Variants in CREB3L1 observed in about 807,000 individuals in gnomAD.
CREB3L1 encodes cAMP responsive element binding protein 3 like 1, also known as cyclic AMP-responsive element-binding protein 3-like protein 1.
Under a neutral mutation model 54.5 loss-of-function variants are expected in CREB3L1, and 33 were observed. The observed-to-expected ratio is 0.61, with a 90% CI of 0.46 to 0.81. The LOEUF (loss-of-function observed/expected upper bound fraction) is 0.81, where lower values mean the gene tolerates loss of function less well. Among genes scored for constraint, CREB3L1 ranks in the 30% least tolerant of loss-of-function variants. CREB3L1 has a pLI of 0.00. For synonymous variants in CREB3L1, 284 were observed against 286.4 expected (o/e 0.99, Z 0.08); for missense variants, 656 against 673.3 (o/e 0.97, Z 0.29).
chr11:46,280,617 A>G (rs1466131401), intron 1 of CREB3L1, among the ~76,000 whole-genome samples: 1 of 152,206 alleles, frequency 6.6e-6, no homozygotes, highest in Admixed American at 6.5e-5. Flanking sequence ...AATGCCTGGC[A>G]TGTAACGTTC....
intron 10 of CREB3L1, 138 bp downstream of exon 10, chr11:46,317,625 G>C: frequency 9.0e-7 from 1 of 1,115,138 alleles, no homozygotes; most frequent in Non-Finnish European, 1.3e-6. Context: ...TTTTCCAGAT[G>C]GGGAAACCGA....
chr11:46,309,730 C>CA (rs1224995984), intron 3 of CREB3L1, among the ~76,000 whole-genome samples: 1 of 152,240 alleles, frequency 6.6e-6, no homozygotes, highest in Non-Finnish European at 1.5e-5. Context: ...GGTGGCCCCA[C>CA]ACTCAGAGGC....
At chr11:46,283,610 T>C (rs1939010944) in intron 1 of CREB3L1, among the ~76,000 whole-genome samples, 1 of 152,130 alleles carries the variant, frequency 6.6e-6, no homozygotes, top group Non-Finnish European at 1.5e-5. Flanking sequence ...CTGGATGTGG[T>C]GGCTCACACC....
intron 2 of CREB3L1, 79 bp downstream of exon 2, chr11:46,300,242 G>A (rs1217743915): frequency 3.5e-6 from 4 of 1,135,194 alleles, no homozygotes; most frequent in Non-Finnish European, 5.2e-6. Context: ...ACAAGAGAGT[G>A]TGCCTGCAGC....
rs1378090999 is a variant in CREB3L1, at chr11:46,310,270, T to TGTTG, written c.595+206_595+207insGGTT. ...CGTTTTTGTTTTTTGTTTGTTTGTT[T>TGTTG]GTTTGTTTGTTTTTTGAGATGGAGT... On this transcript the variant is annotated intron_variant, in intron 4 of 11. Coordinates refer to ENST00000621158, the MANE Select transcript of CREB3L1 (RefSeq NM_052854.4). Among the ~76,000 whole-genome samples the TGTTG allele has an allele frequency of 2.0e-5, 3 of 151,492 alleles. No individual in the cohort carries two copies. The East Asian group carries it at 5.8e-4, about 29-fold the overall frequency.
chr11:46,305,674 G>GTGTGTGTGTATATA (rs1566187693), intron 2 of CREB3L1, among the ~76,000 whole-genome samples: 8 of 87,598 alleles, frequency 9.1e-5, no homozygotes, highest in East Asian at 4.7e-4. Flanking sequence ...GTATATATAT[G>GTGTGTGTGTATATA]TGTGTGTGTG....
At chr11:46,311,338 G>A in intron 5 of CREB3L1, 149 bp downstream of exon 5, 4 of 1,126,492 alleles carry the variant, frequency 3.6e-6, no homozygotes, top group Non-Finnish European at 4.7e-6. Context: ...GCAGATGGGA[G>A]TTCTAATCCT....
intron 1 of CREB3L1, among the ~76,000 whole-genome samples, chr11:46,292,818 C>T (rs781646762): frequency 4.7e-4 from 71 of 151,934 alleles, no homozygotes; most frequent in Non-Finnish European, 9.7e-4. Flanking sequence ...GATGGGATCT[C>T]GCTATGTTGC....
At chr11:46,282,883 C>T (rs915707710) in intron 1 of CREB3L1, among the ~76,000 whole-genome samples, 1 of 152,134 alleles carries the variant, frequency 6.6e-6, no homozygotes, top group African/African-American at 2.4e-5. Flanking sequence ...AATAAATATG[C>T]CCAGTCAAAA....
rs561058047 is a variant in CREB3L1 at position 46,279,800 on chromosome 11, G to A, written c.102+1587G>A. ...TCAAGCAGGGCAGTAGAGCCCTGCAGTAAGCTTCTCTCGGCCCTTGGCAGC... is the reference window on the plus strand; with the variant it reads ...TCAAGCAGGGCAGTAGAGCCCTGCAATAAGCTTCTCTCGGCCCTTGGCAGC... On this transcript the variant is annotated intron_variant, in intron 1 of 11. Coordinates refer to ENST00000621158, the MANE Select transcript of CREB3L1 (RefSeq NM_052854.4). 9.8e-5 allele frequency among the ~76,000 whole-genome samples: 15 copies of A among 152,378 alleles called. No individual in the cohort carries two copies. In the East Asian group the frequency reaches 1.2e-3, roughly 12 times the overall value.
intron 9 of CREB3L1, among the ~76,000 whole-genome samples, chr11:46,316,964 T>A (rs1939575763): frequency 6.6e-6 from 1 of 151,946 alleles, no homozygotes; most frequent in Admixed American, 6.6e-5. Flanking sequence ...TCTCAGCACC[T>A]CCCGCTAGCC....
chr11:46,293,313 G>A (rs1291396109), intron 1 of CREB3L1, among the ~76,000 whole-genome samples: 1 of 152,188 alleles, frequency 6.6e-6, no homozygotes, highest in African/African-American at 2.4e-5. Flanking sequence ...GCCCTGGGCG[G>A]CGGCACTCGC....
intron 1 of CREB3L1, among the ~76,000 whole-genome samples, chr11:46,296,182 C>A (rs909419337): frequency 6.6e-6 from 1 of 152,022 alleles, no homozygotes; most frequent in African/African-American, 2.4e-5. Context: ...TAAACCTGAA[C>A]TTTTGTGTGT....
At chr11:46,298,612 T>C (rs1357717693) in intron 1 of CREB3L1, among the ~76,000 whole-genome samples, 1 of 152,050 alleles carries the variant, frequency 6.6e-6, no homozygotes, top group Non-Finnish European at 1.5e-5. Flanking sequence ...GGCATGCAAA[T>C]CACTTGAACC....
intron 2 of CREB3L1, among the ~76,000 whole-genome samples, chr11:46,300,707 C>T (rs1423469833): frequency 2.0e-5 from 3 of 149,908 alleles, no homozygotes; most frequent in Non-Finnish European, 4.4e-5. Flanking sequence ...CCCGTCTCTA[C>T]TAAAAAAAAA....
At position 46,321,281 on chromosome 11, in the gene CREB3L1, A is replaced by ACCCTCTTGCTG. The variant is rs1044784495; in HGVS notation, c.*536_*537insCCTCTTGCTGC. 32 of 270,452 alleles carry ACCCTCTTGCTG rather than the reference A, an allele frequency of 1.2e-4. No individual in the cohort carries two copies. Among genetic ancestry groups the ACCCTCTTGCTG allele is most frequent in the Non-Finnish European group, 1.6e-4 (22 of 137,522 alleles). The allele number at this position is 270,452 out of a possible 1,614,324, so 16.8% of individuals were successfully genotyped here. Reference sequence around the variant, plus strand: ...CTGCTCCCTGGCCCAGGAAAGAGGGACTACCTGACCCTCACCTGGCACCCC... The same window carrying ACCCTCTTGCTG: ...CTGCTCCCTGGCCCAGGAAAGAGGGACCCTCTTGCTGCTACCTGACCCTCACCTGGCACCCC... On this transcript the variant is annotated 3_prime_UTR_variant, in exon 12 of 12. Coordinates refer to ENST00000621158, the MANE Select transcript of CREB3L1 (RefSeq NM_052854.4).
chr11:46,296,704 C>T (rs937998387), intron 1 of CREB3L1, among the ~76,000 whole-genome samples: 1 of 152,148 alleles, frequency 6.6e-6, no homozygotes, highest in Non-Finnish European at 1.5e-5. Context: ...TGAAGAAGCC[C>T]GGCGCAAAGA....
chr11:46,317,280 T>G (rs1939581709), intron 9 of CREB3L1, 81 bp from the exon 10 acceptor site: 1 of 1,571,632 alleles, frequency 6.4e-7, no homozygotes, highest in Admixed American at 1.7e-5. Context: ...TGCCTGTTGG[T>G]TTGGGAGAGG....
chr11:46,288,242 T>C (rs1939083887), intron 1 of CREB3L1, among the ~76,000 whole-genome samples: 1 of 151,920 alleles, frequency 6.6e-6, no homozygotes, highest in African/African-American at 2.4e-5. Context: ...CCATGACACC[T>C]GGCTGATTTT....
Sources: allele counts gnomAD v4.1 joint callset (sites outside exome capture counted in the v4.1 genomes callset), GRCh38; gene constraint gnomAD v4.1.1; transcripts MANE v1.5; gene names NCBI Gene and HGNC (gene_info 2026-07-23, HGNC 2026-07-21).